The following FLT4 variants were observed in gnomAD, a reference collection of about 807,000 sequenced individuals.
The protein encoded by FLT4 is fms related receptor tyrosine kinase 4, also known as vascular endothelial growth factor receptor 3.
A neutral mutation model predicts 163.2 loss-of-function variants in FLT4; 30 were observed. The ratio of observed to expected loss-of-function variants is 0.18; its 90% CI spans 0.14 to 0.25. The LOEUF (loss-of-function observed/expected upper bound fraction) is 0.25, where lower values mean the gene tolerates loss of function less well. FLT4 is among the 10% of genes least tolerant of loss of function. The pLI is 1.00. For missense variants in FLT4, 1,510 were observed against 1,863.8 expected (o/e 0.81, Z 3.50); for synonymous variants, 884 against 789.5 (o/e 1.12, Z -2.01).
chr5:180,625,705 CA>C (rs920210677), intron 10 of FLT4, among the ~76,000 whole-genome samples, 163 bp downstream of exon 10: 25 of 152,248 alleles, frequency 1.6e-4, no homozygotes, highest in African/African-American at 6.0e-4. Context: ...GAGGTGAGGC[CA>C]GGGATTGGCT....
chr5:180,614,137 C>T lies in FLT4; in HGVS notation c.3262G>A (p.Asp1088Asn), dbSNP rs1376446971. The T allele has an allele frequency of 6.8e-6, 11 of 1,613,974 alleles. No homozygotes were observed. Among genetic ancestry groups the T allele is most frequent in the Non-Finnish European group, 9.3e-6 (11 of 1,179,992 alleles). Residue 1088 changes from aspartate to asparagine, a missense_variant, in exon 24 of 30, where the codon GAC becomes AAC. This residue lies in a region of FLT4 where 17 missense variants were observed against 76.2 expected (regional missense o/e 0.22). Transcript: ENST00000261937. ...LKWMAPESIF[D>N]KVYTTQSDVW... is the part of the protein sequence containing the mutation. ...TCACTCTGCGTGGTGTACACCTTGT[C>T]GAAGATGCTTTCAGGGGCCATCCAC...
Position 180,619,107 on chromosome 5 carries a change from G to A in FLT4, c.2764C>T (p.Pro922Ser). ...CAGAACTCCACGATCACCATGAGGG[G>A]GCCTGCGGCGGGACCGGGCGGCGGC... ...LLGACTKPQGPLMVIVEFCKY... is the reference protein window; with the variant it reads ...LLGACTKPQGSLMVIVEFCKY... Residue 922 changes from proline (P) to serine (S), a missense_variant and splice_region_variant, in exon 20 of 30, where the codon CCC becomes TCC. Physicochemically the swap from Pro to Ser is moderately conservative, Grantham distance 74 (BLOSUM62 -1). Coordinates refer to ENST00000261937, the MANE Select transcript of FLT4 (RefSeq NM_182925.5). 1 of 1,525,192 alleles carries A rather than the reference G, an allele frequency of 6.6e-7. No homozygotes were observed. The highest frequency in any genetic ancestry group is 2.1e-5 in the Admixed American group (1 of 47,944). 94.5% of individuals were successfully genotyped at this position (1,525,192 alleles called of 1,614,324 possible).
chr5:180,631,904 G>C, intron 1 of FLT4, 126 bp from the exon 2 acceptor site: 2 of 625,284 alleles, frequency 3.2e-6, no homozygotes, highest in Non-Finnish European at 5.7e-6. Context: ...CAGGTTCTCA[G>C]CCAGCACCGC....
At chr5:180,608,352 C>T (rs1761920873) in intron 29 of FLT4, 1 of 700,744 alleles carries the variant, frequency 1.4e-6, no homozygotes. Context: ...TTGAACGACT[C>T]ACCCTCCTGA....
chr5:180,631,343 GGC>G (rs1764129992), intron 2 of FLT4, among the ~76,000 whole-genome samples: 2 of 152,072 alleles, frequency 1.3e-5, no homozygotes, highest in African/African-American at 2.4e-5. Flanking sequence ...CGTGGTGGCG[GGC>G]ACCTGTAGTC....
At position 180,615,912 on chromosome 5, in the gene FLT4, GC is replaced by G. The variant is rs753818806; in HGVS notation, c.3219+454del. 6.7e-4 allele frequency among the ~76,000 whole-genome samples: 24 copies of G among 35,772 alleles called. 1 individual carries two copies. Among genetic ancestry groups the G allele is most frequent in the Non-Finnish European group, 8.5e-4 (14 of 16,500 alleles). The allele number at this position is 35,772 out of a possible 152,430, so 23.5% of individuals were successfully genotyped here. ...TCTCCACTTCCTTTCGGAGCACTGG[GC>G]CCCGCCGGTCACCTCCCTTCTCCAC... On this transcript the variant is annotated intron_variant, in intron 23 of 29. Coordinates refer to ENST00000261937, the MANE Select transcript of FLT4 (RefSeq NM_182925.5).
At chr5:180,610,913 C>G (rs948561254) in intron 27 of FLT4, among the ~76,000 whole-genome samples, 1 of 152,164 alleles carries the variant, frequency 6.6e-6, no homozygotes, top group African/African-American at 2.4e-5. Flanking sequence ...AAAAATTAGC[C>G]AGGCGTGGTG....
At chr5:180,603,727 A>AC (rs1276046248) in intron 29 of FLT4, among the ~76,000 whole-genome samples, 2 of 151,646 alleles carry the variant, frequency 1.3e-5, no homozygotes, top group African/African-American at 4.8e-5. Flanking sequence ...ACACGGTGAA[A>AC]CCCCGTCTCT....
chr5:180,626,635 G>C (rs1471306545), intron 8 of FLT4, among the ~76,000 whole-genome samples: 1 of 152,196 alleles, frequency 6.6e-6, no homozygotes, highest in East Asian at 1.9e-4. Flanking sequence ...AGCCAGGCTT[G>C]CCCAGCCCAG....
intron 24 of FLT4, chr5:180,613,687 C>T: frequency 2.7e-6 from 1 of 363,766 alleles, no homozygotes; most frequent in East Asian, 6.2e-5. Flanking sequence ...GTTCACTGCC[C>T]TACCCTGGCC....
In FLT4 at chr5:180,623,980, G is replaced by A. The variant is rs745882315; in HGVS notation, c.1503C>T (p.Ile501=). Residue 501 remains isoleucine (I), a synonymous_variant, in exon 11 of 30, where the codon ATC becomes ATT. Coordinates refer to ENST00000261937, the MANE Select transcript of FLT4 (RefSeq NM_182925.5). The surrounding 1 kb of genome is among the most constrained non-coding windows in gnomAD (Gnocchi z 5.8). The part of the protein sequence containing the change: ...AVTTQDAVNP[I]ESLDTWTEFV... ...ACTCGGTCCAGGTGTCCAGGCTCTC[G>A]ATGGGGTTCACGGCATCCTGCGTGG... 31 of 1,613,424 alleles carry A rather than the reference G, an allele frequency of 1.9e-5. No individual in the cohort carries two copies. In the East Asian group the frequency reaches 3.3e-4, roughly 17 times the overall value.
rs1027434101 is a variant in FLT4, at chr5:180,636,976, TC to T, written c.59-5199del. The stretch of plus-strand genomic sequence containing the variant: ...AGCACAAGGCCCCCACAGGAGCTCC[TC>T]CCCCCCATTTTCCTGGGTGCACACA... On this transcript the variant is annotated intron_variant, in intron 1 of 29. Transcript: ENST00000261937. The surrounding 1 kb of genome is among the most constrained non-coding windows in gnomAD (Gnocchi z 4.3). Among the ~76,000 whole-genome samples, 6 of 150,862 alleles carry T rather than the reference TC, an allele frequency of 4.0e-5. No individual in the cohort carries two copies. Among genetic ancestry groups the T allele is most frequent in the African/African-American group, 1.5e-4 (6 of 40,954 alleles).
chr5:180,639,384 T>C (rs985094884), intron 1 of FLT4, among the ~76,000 whole-genome samples: 6 of 143,592 alleles, frequency 4.2e-5, no homozygotes, highest in African/African-American at 1.5e-4. Context: ...GATGGGTGGA[T>C]GGATGGATGG....
intron 1 of FLT4, among the ~76,000 whole-genome samples, chr5:180,639,173 GGATGGGTGGATGGATGGACAGACA>G (rs1356100882): frequency 0.016 from 1,976 of 123,692 alleles, 45 homozygotes; most frequent in South Asian, 0.068. Context: ...GTAGAAGGAT[GGATGGGTGGATGGATGGACAGACA>G]GATGAATGGA....
chr5:180,627,732 C>G (rs530854882), intron 8 of FLT4, among the ~76,000 whole-genome samples: 40 of 152,322 alleles, frequency 2.6e-4, no homozygotes, highest in Admixed American at 8.5e-4. Flanking sequence ...CTGGACGCAA[C>G]AGAGCTGCCA....
At position 180,626,264 on chromosome 5, in the gene FLT4, A is replaced by G. The variant is rs890405471; in HGVS notation, c.1105T>C (p.Tyr369His). Residue 369 changes from tyrosine to histidine, a missense_variant and splice_region_variant, in exon 9 of 30, where the codon TAC (tyrosine) becomes CAC (histidine). Tyr to His is a moderately conservative substitution (Grantham distance 83, BLOSUM62 2). Transcript: ENST00000261937. ...CCGGACAGTGCCTTTCCATCCTTGT[A>G]CCTGGCCAGGGAAGGGAGGTCAGGG... ...AAYPPPEFQW[Y>H]KDGKALSGRH... 1 of 1,611,728 alleles carries G rather than the reference A, an allele frequency of 6.2e-7. No individual in the cohort carries two copies. Among genetic ancestry groups the G allele is most frequent in the Non-Finnish European group, 8.5e-7 (1 of 1,179,924 alleles).
intron 1 of FLT4, among the ~76,000 whole-genome samples, chr5:180,647,013 C>T (rs917580198): frequency 6.6e-6 from 1 of 152,088 alleles, no homozygotes; most frequent in Non-Finnish European, 1.5e-5. Flanking sequence ...GTAAAGTGGG[C>T]CTGATCCCCA....
At position 180,603,715 on chromosome 5, in the gene FLT4, T is replaced by C. The variant is rs548904129; in HGVS notation, c.3894-325A>G. Among the ~76,000 whole-genome samples the C allele has an allele frequency of 4.0e-3, 607 of 152,040 alleles. 4 individuals are homozygous for C. Among genetic ancestry groups the C allele is most frequent in the African/African-American group, 0.014 (572 of 41,482 alleles). Reference sequence around the variant, plus strand: ...GTCAGGAGATCGAGACCATCCTGGCTAACACGGTGAAACCCCGTCTCTACT... The same window carrying C: ...GTCAGGAGATCGAGACCATCCTGGCCAACACGGTGAAACCCCGTCTCTACT... On this transcript the variant is annotated intron_variant, in intron 29 of 29. Transcript: ENST00000261937.
At position 180,626,261 on chromosome 5, in the gene FLT4, T is replaced by C; in HGVS notation, c.1108A>G (p.Lys370Glu). 1 of 1,612,134 alleles carries C rather than the reference T, an allele frequency of 6.2e-7. No individual in the cohort carries two copies. The highest frequency in any genetic ancestry group is 8.5e-7 in the Non-Finnish European group (1 of 1,179,944). ...AYPPPEFQWY[K>E]DGKALSGRHS... Reference sequence around the variant, plus strand: ...CGCCCGGACAGTGCCTTTCCATCCTTGTACCTGGCCAGGGAAGGGAGGTCA... The same window carrying C: ...CGCCCGGACAGTGCCTTTCCATCCTCGTACCTGGCCAGGGAAGGGAGGTCA... Residue 370 changes from lysine (K) to glutamate (E), a missense_variant, in exon 9 of 30, where the codon AAG becomes GAG. By Grantham distance (56) the Lys-to-Glu change is moderately conservative. Coordinates refer to ENST00000261937, the MANE Select transcript of FLT4 (RefSeq NM_182925.5).
Sources: gnomAD v4.1 joint callset for allele counts (sites outside exome capture counted in the v4.1 genomes callset) on GRCh38, gnomAD v4.1.1 for gene constraint, gnomAD v4.1.1 regional missense constraint, Gnocchi (gnomAD v3.1) non-coding constraint, MANE v1.5 for transcripts, NCBI Gene and HGNC (gene_info 2026-07-23, HGNC 2026-07-21) for gene names.